The following CPS1 variants were observed in gnomAD, a reference collection of about 807,000 sequenced individuals.
The protein encoded by CPS1 is carbamoyl-phosphate synthase 1.
In CPS1, 109 loss-of-function variants were observed where a neutral mutation model predicts 174.6. The observed-to-expected ratio is 0.62, with a 90% confidence interval of 0.53 to 0.73. The LOEUF is 0.73. CPS1 is among the 30% of genes least tolerant of loss of function. CPS1 has a pLI of 0.00. For synonymous variants in CPS1, 637 were observed against 632.0 expected (o/e 1.01, Z -0.12); for missense variants, 1,689 against 1,821.9 (o/e 0.93, Z 1.33).
chr2:210,558,038 G>C (rs999531553), intron 1 of CPS1, among the ~76,000 whole-genome samples: 8 of 151,820 alleles, frequency 5.3e-5, no homozygotes, highest in Non-Finnish European at 8.8e-5. Flanking sequence ...GAGGGAGAGA[G>C]AGAGAGAAAG....
intron 1 of CPS1, among the ~76,000 whole-genome samples, chr2:210,495,742 A>G (rs1694976864): frequency 6.6e-6 from 1 of 152,190 alleles, no homozygotes; most frequent in South Asian, 2.1e-4. Flanking sequence ...TTTGGAAAAG[A>G]GTATATGAAG....
chr2:210,670,114 C>A (rs1389208275), intron 34 of CPS1, among the ~76,000 whole-genome samples: 1 of 152,076 alleles, frequency 6.6e-6, no homozygotes, highest in Admixed American at 6.6e-5. Flanking sequence ...ATCTACCTTT[C>A]AATACTTTCC....
chr2:210,629,887 A>G (rs1423338057), intron 21 of CPS1, among the ~76,000 whole-genome samples: 2 of 149,778 alleles, frequency 1.3e-5, no homozygotes, highest in Non-Finnish European at 3.0e-5. Flanking sequence ...CGACTCTAAT[A>G]AAAATACAAA....
intron 21 of CPS1, 143 bp downstream of exon 21, chr2:210,616,684 G>A: frequency 1.5e-6 from 1 of 663,816 alleles, no homozygotes; most frequent in South Asian, 1.7e-5. Context: ...CCCGTAGCCA[G>A]AAGACAAATG....
Position 210,675,807 on chromosome 2 carries a change from A to G in CPS1, c.4241A>G (p.Glu1414Gly). The change falls in exon 36 of 38, where the codon GAA (glutamate) becomes GGA (glycine). Residue 1414 changes from glutamate (E) to glycine (G), a missense_variant. Physicochemically the swap from Glu to Gly is moderately conservative, Grantham distance 98 (BLOSUM62 -2). Coordinates refer to ENST00000233072, the MANE Select transcript of CPS1 (RefSeq NM_001875.5). The stretch of plus-strand genomic sequence containing the variant: ...ACCCCAGTGGCATGGCCGTCTCAAG[A>G]AGGACAGAATCCCAGCCTCTCTTCC... ...PATPVAWPSQEGQNPSLSSIR... is the reference protein window; with the variant it reads ...PATPVAWPSQGGQNPSLSSIR... 1.9e-6 allele frequency: 3 copies of G among 1,592,774 alleles called. No homozygotes were observed. The highest frequency in any genetic ancestry group is 1.7e-4 in the Middle Eastern group (1 of 6,022).
intron 2 of CPS1, among the ~76,000 whole-genome samples, chr2:210,574,014 A>C (rs896298222): frequency 1.3e-5 from 2 of 152,060 alleles, no homozygotes; most frequent in Admixed American, 1.3e-4. Context: ...ATGTACAGCA[A>C]TGAAAACGAG....
chr2:210,563,673 T>C (rs115504410), intron 1 of CPS1, among the ~76,000 whole-genome samples: 3,159 of 152,276 alleles, frequency 0.021, 96 homozygotes, highest in African/African-American at 0.072. Context: ...ACATGAGCAA[T>C]GAGTAGATGA....
chr2:210,675,719 T>G lies in CPS1; in HGVS notation c.4162-9T>G, dbSNP rs1251988820. 7.2e-7 allele frequency: 1 copy of G among 1,393,694 alleles called. No individual in the cohort carries two copies. Among genetic ancestry groups the G allele is most frequent in the Non-Finnish European group, 1.0e-6 (1 of 978,784 alleles). 86.3% of individuals were successfully genotyped at this position (1,393,694 alleles called of 1,614,324 possible). A position where few individuals can be genotyped will look rare whatever the true frequency, so the allele number is the denominator to read the frequency against. Reference sequence around the variant, plus strand: ...GATACGGTAATTGATTTTTTCATTTTAAATGCAGCTGTTTGCCACGGAAGC... The same window carrying G: ...GATACGGTAATTGATTTTTTCATTTGAAATGCAGCTGTTTGCCACGGAAGC... On this transcript the variant is annotated splice_polypyrimidine_tract_variant and intron_variant, in intron 35 of 37. Transcript: ENST00000233072.
Position 210,677,185 on chromosome 2 carries a change from G to C in CPS1, c.4404+49G>C, listed in dbSNP as rs571075660. The stretch of plus-strand genomic sequence containing the variant: ...GACTGGATGGGAGTTTTATTTCTGT[G>C]CCTCCCTTAAGAGTGTAATCAGTAG... On this transcript the variant is annotated intron_variant, in intron 37 of 37. Transcript: ENST00000233072. 2.5e-5 allele frequency: 40 copies of C among 1,584,788 alleles called. No individual in the cohort carries two copies. In the African/African-American group the frequency reaches 5.1e-4, roughly 20 times the overall value.
chr2:210,596,685 G>A (rs1362392387), intron 13 of CPS1, among the ~76,000 whole-genome samples: 3 of 151,794 alleles, frequency 2.0e-5, no homozygotes, highest in Non-Finnish European at 2.9e-5. Context: ...TTAGATAATT[G>A]GAGACTGTCC....
intron 1 of CPS1, among the ~76,000 whole-genome samples, chr2:210,560,421 G>A (rs1697060674): frequency 6.6e-6 from 1 of 152,054 alleles, no homozygotes; most frequent in Admixed American, 6.6e-5. Context: ...AATGAATTTG[G>A]AAATCAAAAG....
intron 21 of CPS1, among the ~76,000 whole-genome samples, chr2:210,620,818 C>G (rs1266912269): frequency 6.6e-6 from 1 of 152,036 alleles, no homozygotes; most frequent in Non-Finnish European, 1.5e-5. Context: ...GTCCCCATCT[C>G]CAACACTGGG....
At chr2:210,482,478 A>T (rs778566261) in intron 1 of CPS1, among the ~76,000 whole-genome samples, 2 of 151,482 alleles carry the variant, frequency 1.3e-5, no homozygotes, top group Non-Finnish European at 2.9e-5. Flanking sequence ...AATTTTTTGT[A>T]TTTTTAGTAG....
At chr2:210,618,997 GTA>G (rs1224317537) in intron 21 of CPS1, 2 of 152,104 alleles carry the variant, frequency 1.3e-5, no homozygotes, top group East Asian at 3.9e-4. Flanking sequence ...GTCTTTAGCT[GTA>G]GGCCTAGGAG....
chr2:210,515,035 A>G lies in CPS1; in HGVS notation c.3+37269A>G, dbSNP rs1431642246. Among the ~76,000 whole-genome samples, 9 of 151,838 alleles carry G rather than the reference A, an allele frequency of 5.9e-5. 1 individual carries two copies. The highest frequency in any genetic ancestry group is 2.6e-4 in the Admixed American group (4 of 15,192). ...GTATGTTGCATGAACTTTACACCCT[A>G]GGAATGAAGGCTACATCATCATGGT... On this transcript the variant is annotated intron_variant, in intron 1 of 38. Transcript: ENST00000430249.
At chr2:210,614,850 C>T (rs1645046399) in intron 20 of CPS1, among the ~76,000 whole-genome samples, 1 of 147,808 alleles carries the variant, frequency 6.8e-6, no homozygotes. Flanking sequence ...CATATGAGCA[C>T]AGGGAGGGGA....
At chr2:210,501,978 T>A (rs1385314435) in intron 1 of CPS1, among the ~76,000 whole-genome samples, 1 of 152,164 alleles carries the variant, frequency 6.6e-6, no homozygotes, top group African/African-American at 2.4e-5. Flanking sequence ...TCCACATGGC[T>A]GGAGAGCCCT....
intron 34 of CPS1, among the ~76,000 whole-genome samples, chr2:210,670,505 G>T (rs1159824705): frequency 6.6e-6 from 1 of 151,950 alleles, no homozygotes; most frequent in Admixed American, 6.6e-5. Context: ...AAGTAATTAG[G>T]GTTCCATATT....
intron 1 of CPS1, among the ~76,000 whole-genome samples, chr2:210,528,399 G>A (rs2664237): frequency 0.42 from 64,457 of 151,672 alleles, 13,944 homozygotes; most frequent in Middle Eastern, 0.52. Flanking sequence ...GTAAAATATT[G>A]TACATTTGAG....
Sources: gnomAD v4.1 joint callset for allele counts (sites outside exome capture counted in the v4.1 genomes callset) on GRCh38, gnomAD v4.1.1 for gene constraint, MANE v1.5 for transcripts, NCBI Gene and HGNC (gene_info 2026-07-23, HGNC 2026-07-21) for gene names.